Variants in MYH14 observed in about 807,000 individuals in gnomAD.
MYH14 encodes myosin heavy chain 14, also known as myosin-14.
A neutral mutation model predicts 255.5 loss-of-function variants in MYH14; 123 were observed. The ratio of observed to expected loss-of-function variants is 0.48; its 90% confidence interval spans 0.42 to 0.56. MYH14 has a LOEUF of 0.56. MYH14 is among the 20% of genes least tolerant of loss of function. The probability of loss-of-function intolerance (pLI) is 0.00; values close to 1 mark genes in which losing one functional copy is unlikely to be tolerated. For missense variants in MYH14, 2,423 were observed against 2,802.3 expected (o/e 0.86, Z 3.06); for synonymous variants, 1,095 against 1,161.2 (o/e 0.94, Z 1.16).
Position 50,210,396 on chromosome 19 carries a change from C to A in MYH14, c.31C>A (p.Arg11=). 6.3e-7 allele frequency: 1 copy of A among 1,580,894 alleles called. No homozygotes were observed. The highest frequency in any genetic ancestry group is 8.6e-7 in the Non-Finnish European group (1 of 1,165,374). The change falls in exon 2 of 43, where the codon CGG becomes AGG. Residue 11 remains arginine (R), a synonymous_variant. Transcript: ENST00000642316. MAAVTMSVPG[R]KAPPRPGPVP... ...AGCCGTGACCATGTCGGTGCCCGGG[C>A]GGAAGGCGCCCCCCAGGCCGGGCCC...
rs1175500051 is a variant in MYH14, at chr19:50,249,726, T to G, written c.1559T>G (p.Val520Gly). ...CAGCTCTTCAACCACACCATGTTCG[T>G]GCTGGAGCAGGAGGAGTACCAGCGT... ...LQQLFNHTMFVLEQEEYQREG... is the reference protein window; with the variant it reads ...LQQLFNHTMFGLEQEEYQREG... The change falls in exon 14 of 43, where the codon GTG (valine) becomes GGG (glycine). Residue 520 changes from valine to glycine, a missense_variant. By Grantham distance (109) the Val-to-Gly change is moderately radical. Coordinates refer to ENST00000642316, the MANE Select transcript of MYH14 (RefSeq NM_001145809.2). 6.2e-7 allele frequency: 1 copy of G among 1,614,228 alleles called. No individual in the cohort carries two copies. Among genetic ancestry groups the G allele is most frequent in the East Asian group, 2.2e-5 (1 of 44,882 alleles).
At position 50,276,953 on chromosome 19, in the gene MYH14, G is replaced by C. The variant is rs1370964578; in HGVS notation, c.3825+52G>C. 6.9e-7 allele frequency: 1 copy of C among 1,449,168 alleles called. No homozygotes were observed. The highest frequency in any genetic ancestry group is 2.4e-5 in the East Asian group (1 of 41,182). 89.8% of individuals were successfully genotyped at this position (1,449,168 alleles called of 1,614,324 possible). A position where few individuals can be genotyped will look rare whatever the true frequency, so the allele number is the denominator to read the frequency against. On this transcript the variant is annotated intron_variant, in intron 29 of 42. Transcript: ENST00000642316. The surrounding 1 kb of genome is among the most constrained non-coding windows in gnomAD (Gnocchi z 4.3). The stretch of plus-strand genomic sequence containing the variant: ...GGGGGGCCACGGGGAGGGCAGGGCA[G>C]GACGCGGGGTTGGAGGAGGTACCGC...
chr19:50,275,229 C>T (rs1036480384), intron 27 of MYH14, among the ~76,000 whole-genome samples: 1 of 152,156 alleles, frequency 6.6e-6, no homozygotes, highest in Non-Finnish European at 1.5e-5. Context: ...GAACCATTAA[C>T]CCCCAGGTCC....
chr19:50,250,717 G>A lies in MYH14; in HGVS notation c.1830+29G>A. ...GGGGCTGGGGCCGGCCTTGGGGCAT[G>A]TGGGAGTGGGGATCAAGGGATCTCC... On this transcript the variant is annotated intron_variant, in intron 15 of 42. Coordinates refer to ENST00000642316, the MANE Select transcript of MYH14 (RefSeq NM_001145809.2). The surrounding 1 kb of genome is among the most constrained non-coding windows in gnomAD (Gnocchi z 5.4). The A allele has an allele frequency of 1.3e-6, 2 of 1,592,194 alleles. No homozygotes were observed. The highest frequency in any genetic ancestry group is 1.7e-4 in the Middle Eastern group (1 of 5,926).
At chr19:50,253,442 CAA>C (rs35465096) in intron 16 of MYH14, among the ~76,000 whole-genome samples, 58 of 118,526 alleles carry the variant, frequency 4.9e-4, no homozygotes, top group East Asian at 7.4e-4. Context: ...GACTCTGTCC[CAA>C]AAAAAAAAAA....
intron 3 of MYH14, among the ~76,000 whole-genome samples, chr19:50,219,324 T>C (rs1219159273): frequency 2.0e-5 from 3 of 151,898 alleles, no homozygotes; most frequent in African/African-American, 4.8e-5. Flanking sequence ...CTGGATCAAA[T>C]GATATATCTA....
At position 50,280,566 on chromosome 19, in the gene MYH14, C is replaced by G. The variant is rs1012962285; in HGVS notation, c.4290+183C>G. Among the ~76,000 whole-genome samples the G allele has an allele frequency of 2.0e-5, 3 of 152,158 alleles. No homozygotes were observed. Among genetic ancestry groups the G allele is most frequent in the Admixed American group, 6.5e-5 (1 of 15,282 alleles). ...ATGCCCAGCCCTGGCTGTCCTGACC[C>G]CTGACTCTCAGCCTCATCCCTTGTC... On this transcript the variant is annotated intron_variant, in intron 32 of 42. Transcript: ENST00000642316. This position sits in a 1 kb window ranked among gnomAD's most constrained non-coding sequence, Gnocchi z 4.8.
At chr19:50,260,479 C>A (rs1009878125) in intron 19 of MYH14, among the ~76,000 whole-genome samples, 167 bp from the exon 20 acceptor site, 3 of 152,122 alleles carry the variant, frequency 2.0e-5, no homozygotes, top group Admixed American at 6.5e-5. Context: ...ATGTTGCTGT[C>A]CTTGGTGGTG....
intron 2 of MYH14, 65 bp downstream of exon 2, chr19:50,210,835 C>T (rs1483032646): frequency 3.3e-6 from 5 of 1,523,598 alleles, no homozygotes; most frequent in Non-Finnish European, 4.4e-6. Flanking sequence ...ACCAGGTCCA[C>T]CACCCGGCTC....
rs544236480 is a variant in MYH14 at position 50,252,520 on chromosome 19, C to T, written c.1831-119C>T. The stretch of plus-strand genomic sequence containing the variant: ...ATGGACACAAGGTGGCACCAGTGCT[C>T]GCTTGTCCATGGTGAGCTCCAGACC... On this transcript the variant is annotated intron_variant, in intron 15 of 42. Coordinates refer to ENST00000642316, the MANE Select transcript of MYH14 (RefSeq NM_001145809.2). The surrounding 1 kb of genome is among the most constrained non-coding windows in gnomAD (Gnocchi z 4.2). 2.2e-5 allele frequency: 16 copies of T among 729,288 alleles called. No homozygotes were observed. The highest frequency in any genetic ancestry group is 8.7e-5 in the African/African-American group (5 of 57,534). 45.2% of individuals were successfully genotyped at this position (729,288 alleles called of 1,614,324 possible). A position where few individuals can be genotyped will look rare whatever the true frequency, so the allele number is the denominator to read the frequency against.
At chr19:50,242,703 T>C (rs947034683) in intron 10 of MYH14, among the ~76,000 whole-genome samples, 3 of 152,190 alleles carry the variant, frequency 2.0e-5, no homozygotes, top group Admixed American at 6.5e-5. Context: ...GGCTGAGGGA[T>C]TGCATTGGTG....
chr19:50,286,406 C>T, intron 33 of MYH14, 76 bp from the exon 34 acceptor site: 1 of 1,348,440 alleles, frequency 7.4e-7, no homozygotes, highest in Non-Finnish European at 1.0e-6. Context: ...TTCCTGGCTG[C>T]TCCCTCTTCC....
intron 10 of MYH14, among the ~76,000 whole-genome samples, chr19:50,243,025 A>G (rs1247748386): frequency 2.0e-5 from 3 of 152,184 alleles, no homozygotes; most frequent in African/African-American, 7.2e-5. Context: ...ATGATAAAAT[A>G]CGTGTGTGAG....
chr19:50,304,195 A>G (rs984236695), intron 40 of MYH14, among the ~76,000 whole-genome samples: 1 of 152,232 alleles, frequency 6.6e-6, no homozygotes, highest in Non-Finnish European at 1.5e-5. Context: ...GCTATTCATC[A>G]TCTGCACATT....
rs1031050128 is a variant in MYH14 at position 50,292,359 on chromosome 19, C to G, written c.5226C>G (p.Gly1742=). 6.3e-7 allele frequency: 1 copy of G among 1,589,524 alleles called. No individual in the cohort carries two copies. The highest frequency in any genetic ancestry group is 8.6e-7 in the Non-Finnish European group (1 of 1,168,594). The change falls in exon 37 of 43, where the codon GGC becomes GGG. Residue 1742 remains glycine (G), a synonymous_variant. Transcript: ENST00000642316. ...GGGAAAGTGAAAAGCGCCTCAAGGG[C>G]CTGGAGGCTGAGGTGCTGCGGCTGC... ...QNRESEKRLK[G]LEAEVLRLQE...
Position 50,230,632 on chromosome 19 carries a change from C to G in MYH14, c.973+9C>G. On this transcript the variant is annotated intron_variant, in intron 9 of 42. Coordinates refer to ENST00000642316, the MANE Select transcript of MYH14 (RefSeq NM_001145809.2). The surrounding 1 kb of genome is among the most constrained non-coding windows in gnomAD (Gnocchi z 4.7). ...TGGAGAGCAGCTCAAAGGTCAGTGC[C>G]GCCCCGTCCTACCCTGCTCACCCGG... is the stretch of plus-strand genomic sequence containing the variant. The G allele has an allele frequency of 6.4e-7, 1 of 1,555,378 alleles. No homozygotes were observed.
Position 50,221,626 on chromosome 19 carries a change from G to A in MYH14, c.563-1457G>A, listed in dbSNP as rs904800512. 2.0e-5 allele frequency among the ~76,000 whole-genome samples: 3 copies of A among 152,048 alleles called. No individual in the cohort carries two copies. The highest frequency in any genetic ancestry group is 2.9e-5 in the Non-Finnish European group (2 of 68,014). ...TGAGTAGCTGGGGATTATAGGTGGC[G>A]CCACCATGCCTGGCTAATTTTTGTA... On this transcript the variant is annotated intron_variant, in intron 3 of 42. Coordinates refer to ENST00000642316, the MANE Select transcript of MYH14 (RefSeq NM_001145809.2). This position sits in a 1 kb window ranked among gnomAD's most constrained non-coding sequence, Gnocchi z 5.3.
Position 50,223,341 on chromosome 19 carries a change from G to T in MYH14, c.685G>T (p.Gly229Cys). Residue 229 changes from glycine to cysteine, a missense_variant, in exon 5 of 43, where the codon GGT becomes TGT. Physicochemically the swap from Gly to Cys is radical, Grantham distance 159. Coordinates refer to ENST00000642316, the MANE Select transcript of MYH14 (RefSeq NM_001145809.2). Reference protein sequence around the residue: ...ASSPKGRKEPGVPASVSTVSY... With the variant: ...ASSPKGRKEPCVPASVSTVSY... The stretch of plus-strand genomic sequence containing the variant: ...GTCTCCAAAGGGCAGGAAGGAGCCG[G>T]GTGTCCCCGTAAGCAACCCCGCCTT... The T allele has an allele frequency of 6.4e-7, 1 of 1,572,238 alleles. No homozygotes were observed. Among genetic ancestry groups the T allele is most frequent in the Non-Finnish European group, 8.6e-7 (1 of 1,158,700 alleles).
intron 10 of MYH14, among the ~76,000 whole-genome samples, chr19:50,243,391 G>A (rs1185571216): frequency 6.6e-6 from 1 of 151,910 alleles, no homozygotes; most frequent in African/African-American, 2.4e-5. Context: ...AGCCGATATG[G>A]CACCACTGCA....
Sources: gnomAD v4.1 joint callset for allele counts (sites outside exome capture counted in the v4.1 genomes callset) on GRCh38, gnomAD v4.1.1 for gene constraint, Gnocchi (gnomAD v3.1) non-coding constraint, MANE v1.5 for transcripts, NCBI Gene and HGNC (gene_info 2026-07-23, HGNC 2026-07-21) for gene names.